RNF157: variants seen among roughly 807,000 people sequenced by gnomAD.
RNF157 encodes the protein ring finger protein 157, also known as E3 ubiquitin ligase RNF157.
RNF157 carries 55 observed loss-of-function variants against 88.3 expected under a neutral mutation model. That is an observed-to-expected ratio of 0.62 (90% confidence interval 0.50 to 0.78). The LOEUF is 0.78. Among genes scored for constraint, RNF157 ranks in the 30% least tolerant of loss-of-function variants. The pLI, the probability that RNF157 is intolerant of heterozygous loss-of-function variation, is 0.00. For missense variants in RNF157, 788 were observed against 860.8 expected (o/e 0.92, Z 1.06); for synonymous variants, 334 against 341.2 (o/e 0.98, Z 0.23).
At chr17:76,191,273 C>T (rs906480076) in intron 2 of RNF157, among the ~76,000 whole-genome samples, 28 of 151,694 alleles carry the variant, frequency 1.8e-4, no homozygotes, top group Non-Finnish European at 2.4e-4. Flanking sequence ...CCCAGGAGTT[C>T]AAGATCGGTT....
intron 1 of RNF157, among the ~76,000 whole-genome samples, chr17:76,213,750 T>C (rs914569212): frequency 6.6e-6 from 1 of 152,030 alleles, no homozygotes; most frequent in Non-Finnish European, 1.5e-5. Context: ...CCCCAACCAC[T>C]GAGGAAGGGA....
At chr17:76,232,465 T>C (rs1052531664) in intron 1 of RNF157, among the ~76,000 whole-genome samples, 9 of 152,264 alleles carry the variant, frequency 5.9e-5, no homozygotes, top group Non-Finnish European at 1.2e-4. Flanking sequence ...TACCATGAAA[T>C]AAACAATGGA....
chr17:76,207,509 T>TTA (rs1261993612), intron 2 of RNF157, among the ~76,000 whole-genome samples: 1 of 152,168 alleles, frequency 6.6e-6, no homozygotes, highest in Non-Finnish European at 1.5e-5. Context: ...ATGACAAACT[T>TTA]TTTAGTCTGC....
chr17:76,196,510 T>A (rs2069479958), intron 2 of RNF157, among the ~76,000 whole-genome samples: 1 of 152,276 alleles, frequency 6.6e-6, no homozygotes, highest in East Asian at 1.9e-4. Flanking sequence ...ATGTTATACA[T>A]CAATAAATAT....
rs2068550163 is a variant in RNF157 at position 76,144,089 on chromosome 17, G to C, written c.*1146C>G. On this transcript the variant is annotated 3_prime_UTR_variant, in exon 19 of 19. Transcript: ENST00000269391. ...TCTCAACCATTAACAAAAGGGGGTA[G>C]AGATGGGGGCAACAGGGACAAGAAT... 6.6e-6 allele frequency: 1 copy of C among 152,282 alleles called. No individual in the cohort carries two copies. The highest frequency in any genetic ancestry group is 2.4e-5 in the African/African-American group (1 of 41,464). The allele number at this position is 152,282 out of a possible 1,614,324, so 9.4% of individuals were successfully genotyped here.
At chr17:76,150,719 A>G (rs1326942990) in intron 18 of RNF157, among the ~76,000 whole-genome samples, 1 of 152,194 alleles carries the variant, frequency 6.6e-6, no homozygotes, top group Non-Finnish European at 1.5e-5. Flanking sequence ...ATTTTTGTAA[A>G]GCAGAAATTA....
At chr17:76,162,647 A>G (rs1236014609) in intron 8 of RNF157, 24 bp from the exon 9 acceptor site, 2 of 1,583,858 alleles carry the variant, frequency 1.3e-6, no homozygotes, top group African/African-American at 1.4e-5. Context: ...AGAAAGGTTC[A>G]AGGACAGGCT....
chr17:76,177,744 G>A (rs1382850849), intron 2 of RNF157, among the ~76,000 whole-genome samples: 1 of 152,144 alleles, frequency 6.6e-6, no homozygotes, highest in African/African-American at 2.4e-5. Flanking sequence ...AGCAGAGGTT[G>A]GGACCACCAG....
intron 2 of RNF157, among the ~76,000 whole-genome samples, chr17:76,184,487 G>A (rs1281182681): frequency 6.6e-6 from 1 of 152,144 alleles, no homozygotes; most frequent in East Asian, 1.9e-4. Context: ...TCAGTGTTGG[G>A]GAGAGCAGCT....
chr17:76,189,427 G>A (rs529721485), intron 2 of RNF157, among the ~76,000 whole-genome samples: 52 of 152,332 alleles, frequency 3.4e-4, no homozygotes, highest in African/African-American at 1.2e-3. Flanking sequence ...TGTGCTGCTG[G>A]TTACGGTGAC....
intron 2 of RNF157, among the ~76,000 whole-genome samples, chr17:76,181,432 A>G (rs533888637): frequency 3.9e-5 from 6 of 152,184 alleles, no homozygotes; most frequent in Non-Finnish European, 7.3e-5. Context: ...ATCTTTGTCT[A>G]TAAGATCTAA....
intron 1 of RNF157, among the ~76,000 whole-genome samples, chr17:76,219,517 T>C (rs923295312): frequency 3.3e-5 from 5 of 152,074 alleles, no homozygotes; most frequent in African/African-American, 1.2e-4. Context: ...AAAGTGATTA[T>C]CTATAGGAGG....
intron 2 of RNF157, among the ~76,000 whole-genome samples, chr17:76,211,618 T>C (rs1006699107): frequency 6.6e-6 from 1 of 152,196 alleles, no homozygotes; most frequent in African/African-American, 2.4e-5. Flanking sequence ...ACTTCCTAGC[T>C]TCTGTCATTA....
chr17:76,187,257 C>T (rs1276012817), intron 2 of RNF157, among the ~76,000 whole-genome samples: 1 of 151,724 alleles, frequency 6.6e-6, no homozygotes, highest in Non-Finnish European at 1.5e-5. Flanking sequence ...GATCTCGGCT[C>T]ACCACAACCT....
chr17:76,226,677 A>G (rs2070093121), intron 1 of RNF157: 2 of 1,612,046 alleles, frequency 1.2e-6, no homozygotes, highest in African/African-American at 2.7e-5. Flanking sequence ...TGAGGTTTGA[A>G]GTGCTTGGCC....
rs376023152 is a variant in RNF157 at position 76,181,776 on chromosome 17, C to T, written c.208-7986G>A. Reference sequence around the variant, plus strand: ...TACAAAAATCAGCTGGGTGTGGTGGCGTGTGCCTGTACTCCCAGTTACTCA... The same window carrying T: ...TACAAAAATCAGCTGGGTGTGGTGGTGTGTGCCTGTACTCCCAGTTACTCA... On this transcript the variant is annotated intron_variant, in intron 2 of 18. Transcript: ENST00000269391. Among the ~76,000 whole-genome samples, 8 of 151,048 alleles carry T rather than the reference C, an allele frequency of 5.3e-5. 1 individual carries two copies. In the South Asian group the frequency reaches 1.2e-3, roughly 24 times the overall value.
Position 76,176,595 on chromosome 17 carries a change from C to T in RNF157, c.208-2805G>A, listed in dbSNP as rs374577488. Among the ~76,000 whole-genome samples the T allele has an allele frequency of 1.1e-4, 17 of 152,336 alleles. No homozygotes were observed. The East Asian group carries it at 2.3e-3, about 21-fold the overall frequency. ...TCCAGAGCAGCCGCTGCCATCACAA[C>T]GGCTGCTGCAGGGGGGTCGCAGGGA... is the stretch of plus-strand genomic sequence containing the variant. On this transcript the variant is annotated intron_variant, in intron 2 of 18. Transcript: ENST00000269391. This position sits in a 1 kb window ranked among gnomAD's most constrained non-coding sequence, Gnocchi z 4.2.
At chr17:76,171,336 G>C (rs1029360828) in intron 3 of RNF157, among the ~76,000 whole-genome samples, 1 of 151,578 alleles carries the variant, frequency 6.6e-6, no homozygotes, top group Non-Finnish European at 1.5e-5. Flanking sequence ...TTACAGATGC[G>C]TGCCACCATG....
At position 76,144,312 on chromosome 17, in the gene RNF157, C is replaced by T. The variant is rs545711489; in HGVS notation, c.*923G>A. On this transcript the variant is annotated 3_prime_UTR_variant, in exon 19 of 19. Transcript: ENST00000269391. ...ATCTTAACTGGGGGATTCTCAGATTCAAGGGCTCCTTCTTTTTTTTTTTTT... is the reference window on the plus strand; with the variant it reads ...ATCTTAACTGGGGGATTCTCAGATTTAAGGGCTCCTTCTTTTTTTTTTTTT... The T allele has an allele frequency of 6.6e-6, 1 of 151,330 alleles. No homozygotes were observed. Among genetic ancestry groups the T allele is most frequent in the East Asian group, 2.0e-4 (1 of 5,104 alleles). The allele number at this position is 151,330 out of a possible 1,614,324, so 9.4% of individuals were successfully genotyped here.
Sources: allele counts gnomAD v4.1 joint callset (sites outside exome capture counted in the v4.1 genomes callset), GRCh38; gene constraint gnomAD v4.1.1; non-coding constraint Gnocchi (gnomAD v3.1); transcripts MANE v1.5; gene names NCBI Gene and HGNC (gene_info 2026-07-23, HGNC 2026-07-21).